RBFOX1: variants seen among roughly 807,000 people sequenced by gnomAD.
RBFOX1 encodes RNA binding fox-1 homolog 1.
In RBFOX1, 8 loss-of-function variants were observed where a neutral mutation model predicts 57.7. That is an observed-to-expected ratio of 0.14 (90% CI 0.08 to 0.25). RBFOX1 has a LOEUF of 0.25. RBFOX1 is among the 10% of genes least tolerant of loss of function. The pLI, the probability that RBFOX1 is intolerant of heterozygous loss-of-function variation, is 1.00. For missense variants in RBFOX1, 611 were observed against 548.5 expected (o/e 1.11, Z -1.14); for synonymous variants, 326 against 222.4 (o/e 1.47, Z -4.15).
intron 4 of RBFOX1, among the ~76,000 whole-genome samples, chr16:5,949,723 C>G (rs952404374): frequency 2.6e-5 from 4 of 152,022 alleles, no homozygotes; most frequent in Non-Finnish European, 5.9e-5. Flanking sequence ...AATATGCTAC[C>G]TCAACCAGCA....
At chr16:5,255,354 C>CTCCATCCATCCCTCCATCCATCCA (rs2062563158) in intron 1 of RBFOX1, among the ~76,000 whole-genome samples, 46 of 86,248 alleles carry the variant, frequency 5.3e-4, no homozygotes, top group Non-Finnish European at 1.0e-3. Flanking sequence ...CCATCCATCC[C>CTCCATCCATCCCTCCATCCATCCA]TCCATCCATC....
intron 3 of RBFOX1, among the ~76,000 whole-genome samples, chr16:7,031,471 C>T (rs1358934572): frequency 6.6e-6 from 1 of 151,996 alleles, no homozygotes; most frequent in Non-Finnish European, 1.5e-5. Flanking sequence ...TGGCACATGC[C>T]TGTAGTTCTG....
chr16:7,165,943 C>CAG (rs1420629595), intron 4 of RBFOX1, among the ~76,000 whole-genome samples: 15 of 60,726 alleles, frequency 2.5e-4, no homozygotes, highest in African/African-American at 1.4e-3. Flanking sequence ...TACACACACA[C>CAG]ACACACACAC....
intron 7 of RBFOX1, 65 bp downstream of exon 7, chr16:7,587,365 G>A: frequency 7.1e-7 from 1 of 1,416,994 alleles, no homozygotes; most frequent in Non-Finnish European, 9.3e-7. Flanking sequence ...TGAATAAGGG[G>A]AAACAACTGC....
intron 4 of RBFOX1, among the ~76,000 whole-genome samples, chr16:7,330,574 T>C (rs2144210037): frequency 6.6e-6 from 1 of 151,690 alleles, no homozygotes; most frequent in East Asian, 1.9e-4. Flanking sequence ...AATGGATCAC[T>C]ATCTTCTCTG....
rs1596403059 is a variant in RBFOX1 at position 6,012,897 on chromosome 16, TA to T, written c.351+145566del. On this transcript the variant is annotated intron_variant, in intron 4 of 19. Coordinates refer to the RBFOX1 transcript ENST00000641259. ...TCACTTGGATAAAGGAAATGTTTCCTAAAATGTGATAACAATCTTCTAGATC... is the reference window on the plus strand; with the variant it reads ...TCACTTGGATAAAGGAAATGTTTCCTAAATGTGATAACAATCTTCTAGATC... 2.6e-5 allele frequency among the ~76,000 whole-genome samples: 4 copies of T among 152,328 alleles called. No homozygotes were observed. The East Asian group carries it at 7.7e-4, about 29-fold the overall frequency.
At chr16:6,475,563 T>C (rs1403192499) in intron 2 of RBFOX1, among the ~76,000 whole-genome samples, 3 of 152,210 alleles carry the variant, frequency 2.0e-5, no homozygotes, top group African/African-American at 4.8e-5. Context: ...ATGGGATTCA[T>C]TTAGAAATGT....
At chr16:6,302,760 C>T (rs185425780) in intron 1 of RBFOX1, among the ~76,000 whole-genome samples, 1 of 152,104 alleles carries the variant, frequency 6.6e-6, no homozygotes, top group Non-Finnish European at 1.5e-5. Context: ...GTTAAATAAC[C>T]TAATCAAGAC....
intron 3 of RBFOX1, among the ~76,000 whole-genome samples, chr16:6,975,814 T>C (rs2086701661): frequency 6.6e-6 from 1 of 152,116 alleles, no homozygotes; most frequent in African/African-American, 2.4e-5. Flanking sequence ...AAGATAATGG[T>C]AATGGTAATA....
intron 2 of RBFOX1, among the ~76,000 whole-genome samples, chr16:6,432,078 C>G (rs536217412): frequency 3.5e-4 from 54 of 152,142 alleles, no homozygotes; most frequent in African/African-American, 1.2e-3. Flanking sequence ...CCTCCTGCCA[C>G]AGCCTCCCAA....
chr16:6,355,201 G>A (rs1198109744), intron 2 of RBFOX1, among the ~76,000 whole-genome samples: 1 of 152,054 alleles, frequency 6.6e-6, no homozygotes, highest in Non-Finnish European at 1.5e-5. Flanking sequence ...TTGTTACATA[G>A]GTATACGTGT....
chr16:6,191,578 C>T (rs1483634625), intron 1 of RBFOX1, among the ~76,000 whole-genome samples: 3 of 151,932 alleles, frequency 2.0e-5, no homozygotes, highest in Non-Finnish European at 4.4e-5. Context: ...AAAGTTAGCA[C>T]CGTATAGAGA....
chr16:7,407,136 T>A (rs1198326356), intron 4 of RBFOX1, among the ~76,000 whole-genome samples: 1 of 152,116 alleles, frequency 6.6e-6, no homozygotes, highest in Non-Finnish European at 1.5e-5. Context: ...TTAGTGGTGA[T>A]TTGTGCGATT....
intron 2 of RBFOX1, among the ~76,000 whole-genome samples, chr16:5,504,930 C>T (rs1279746813): frequency 1.3e-5 from 2 of 152,130 alleles, no homozygotes; most frequent in Admixed American, 6.5e-5. Context: ...TCCCTAGAGA[C>T]AGTGAATCAG....
intron 1 of RBFOX1, among the ~76,000 whole-genome samples, chr16:5,440,756 T>A (rs113601727): frequency 3.3e-5 from 5 of 152,326 alleles, no homozygotes; most frequent in African/African-American, 1.2e-4. Flanking sequence ...GTGATAGGGA[T>A]AAATTCAAGG....
At chr16:5,706,708 A>C (rs78544027) in intron 3 of RBFOX1, among the ~76,000 whole-genome samples, 63 of 152,178 alleles carry the variant, frequency 4.1e-4, no homozygotes, top group African/African-American at 1.5e-3. Context: ...TGCCAAATGA[A>C]ATGATTTTGG....
chr16:6,626,060 G>A (rs1567940153), intron 2 of RBFOX1, among the ~76,000 whole-genome samples: 2 of 151,302 alleles, frequency 1.3e-5, no homozygotes, highest in South Asian at 4.2e-4. Flanking sequence ...CGATTATAGT[G>A]TTGCCTGCCT....
At chr16:7,004,862 C>G (rs577196752) in intron 3 of RBFOX1, among the ~76,000 whole-genome samples, 1 of 152,192 alleles carries the variant, frequency 6.6e-6, no homozygotes, top group African/African-American at 2.4e-5. Flanking sequence ...AATCCTTGAG[C>G]AAAGAGGCCA....
chr16:6,694,127 G>C (rs2060667824), intron 3 of RBFOX1, among the ~76,000 whole-genome samples: 1 of 152,190 alleles, frequency 6.6e-6, no homozygotes. Flanking sequence ...TTCATCTTTT[G>C]TTTAACCTCA....
Sources: allele counts gnomAD v4.1 joint callset (sites outside exome capture counted in the v4.1 genomes callset), GRCh38; gene constraint gnomAD v4.1.1; transcripts MANE v1.5; gene names NCBI Gene and HGNC (gene_info 2026-07-23, HGNC 2026-07-21).